Variants in LRRC9 observed in about 807,000 individuals in gnomAD.
The protein encoded by LRRC9 is leucine-rich repeat-containing protein 9.
A neutral mutation model predicts 63.2 loss-of-function variants in LRRC9; 122 were observed. That is an observed-to-expected ratio of 1.93 (90% CI 1.67 to 2.24). The LOEUF is 2.24. Ranked by LOEUF, LRRC9 falls within the 30% of genes most tolerant of loss-of-function variation. LRRC9 has a pLI of 0.00. For synonymous variants in LRRC9, 366 were observed against 213.1 expected (o/e 1.72, Z -6.25); for missense variants, 1,071 against 627.7 (o/e 1.71, Z -7.55).
chr14:60,050,153 C>T (rs1242933824), intron 29 of LRRC9, among the ~76,000 whole-genome samples: 3 of 152,012 alleles, frequency 2.0e-5, no homozygotes, highest in African/African-American at 4.8e-5. Context: ...CACACCACCA[C>T]GCCCAGCTAA....
chr14:59,992,406 T>G (rs1888244110), intron 17 of LRRC9, among the ~76,000 whole-genome samples: 2 of 152,240 alleles, frequency 1.3e-5, no homozygotes, highest in South Asian at 4.1e-4. Flanking sequence ...TCAGAGCGCC[T>G]CTTCTCGTCC....
Position 59,934,483 on chromosome 14 carries a change from T to C in LRRC9, c.543+2444T>C, listed in dbSNP as rs1265849078. 7.2e-5 allele frequency among the ~76,000 whole-genome samples: 11 copies of C among 151,904 alleles called. 1 individual carries two copies. Among genetic ancestry groups the C allele is most frequent in the Non-Finnish European group, 1.6e-4 (11 of 67,988 alleles). The stretch of plus-strand genomic sequence containing the variant: ...ACAATCTTGGCATAACAAGCAAGAG[T>C]GTGAAGCGATGCTTAGGGCCATGGC... On this transcript the variant is annotated intron_variant, in intron 6 of 31. Coordinates refer to ENST00000445360, the Ensembl canonical transcript of LRRC9.
In LRRC9 at chr14:59,928,421, G is replaced by T; in HGVS notation, c.202G>T (p.Glu68Ter). Residue 68 changes from glutamate to a stop codon, truncating the protein, a stop_gained, in exon 3 of 32, where the codon GAA becomes TAA. Coordinates refer to ENST00000445360, the Ensembl canonical transcript of LRRC9. LOFTEE classifies it high-confidence loss of function. ...TACCATTGTTGCTCAAGATATAAAA[G>T]AAATTTCAGGGTTAGAGCCTTGTTT... 1 of 697,064 alleles carries T rather than the reference G, an allele frequency of 1.4e-6. No homozygotes were observed. Among genetic ancestry groups the T allele is most frequent in the South Asian group, 1.5e-5 (1 of 66,366 alleles). 43.2% of individuals were successfully genotyped at this position (697,064 alleles called of 1,614,324 possible).
chr14:59,978,123 T>C (rs945666396), exon 15 of LRRC9: 3 of 702,034 alleles, frequency 4.3e-6, no homozygotes, highest in Admixed American at 2.0e-5. Context: ...AATTTGAGTA[T>C]ATTACAATGG....
At position 60,004,538 on chromosome 14, in the gene LRRC9, CAGAGAGA is replaced by C. The variant is rs1889652846; in HGVS notation, c.2842+742_2842+748del. Among the ~76,000 whole-genome samples the C allele has an allele frequency of 6.6e-6, 1 of 151,730 alleles. No individual in the cohort carries two copies. The highest frequency in any genetic ancestry group is 2.1e-4 in the South Asian group (1 of 4,806). ...AGTATTAAAACATATTTTTCTGAACCAGAGAGAATAAAAAAGACTTTTCCTCCCTTTC... is the reference window on the plus strand; with the variant it reads ...AGTATTAAAACATATTTTTCTGAACCATAAAAAAGACTTTTCCTCCCTTTC... On this transcript the variant is annotated intron_variant, in intron 21 of 31. Coordinates refer to ENST00000445360, the Ensembl canonical transcript of LRRC9. This position sits in a 1 kb window ranked among gnomAD's most constrained non-coding sequence, Gnocchi z 4.8.
intron 29 of LRRC9, among the ~76,000 whole-genome samples, chr14:60,032,281 C>G (rs895373291): frequency 1.3e-5 from 2 of 151,982 alleles, no homozygotes; most frequent in Non-Finnish European, 2.9e-5. Context: ...CATTGTATTC[C>G]TTGGCCTATT....
chr14:59,989,997 G>A (rs535361560), intron 17 of LRRC9, among the ~76,000 whole-genome samples: 6 of 147,404 alleles, frequency 4.1e-5, no homozygotes, highest in African/African-American at 1.3e-4. Flanking sequence ...GCGCAATCTC[G>A]GCTCACCGCA....
At position 59,962,683 on chromosome 14, in the gene LRRC9, A is replaced by G. The variant is rs1426702780; in HGVS notation, c.1211+1638A>G. Among the ~76,000 whole-genome samples the G allele has an allele frequency of 6.6e-6, 1 of 152,116 alleles. No homozygotes were observed. Among genetic ancestry groups the G allele is most frequent in the Admixed American group, 6.5e-5 (1 of 15,278 alleles). On this transcript the variant is annotated intron_variant, in intron 10 of 31. Coordinates refer to ENST00000445360, the Ensembl canonical transcript of LRRC9. The surrounding 1 kb of genome is among the most constrained non-coding windows in gnomAD (Gnocchi z 5.1). ...CTCCCAAAGTGCTGAGATCACAGGCATGAGCCACTGTGCCCAGCTCCAAAC... is the reference window on the plus strand; with the variant it reads ...CTCCCAAAGTGCTGAGATCACAGGCGTGAGCCACTGTGCCCAGCTCCAAAC...
intron 19 of LRRC9, among the ~76,000 whole-genome samples, chr14:60,001,417 G>C (rs1408426258): frequency 6.6e-6 from 1 of 152,078 alleles, no homozygotes; most frequent in African/African-American, 2.4e-5. Context: ...CAGCTACATA[G>C]AGAAGCTTAG....
At chr14:59,997,945 G>T (rs1888971716) in intron 18 of LRRC9, 98 bp downstream of exon 18, 1 of 562,832 alleles carries the variant, frequency 1.8e-6, no homozygotes, top group Non-Finnish European at 3.1e-6. Flanking sequence ...GATAGGCAAA[G>T]TATCTTCGTT....
Position 60,027,509 on chromosome 14 carries a change from C to T in LRRC9, c.3704-375C>T, listed in dbSNP as rs1022210467. Among the ~76,000 whole-genome samples the T allele has an allele frequency of 6.6e-6, 1 of 151,932 alleles. No individual in the cohort carries two copies. The highest frequency in any genetic ancestry group is 1.5e-5 in the Non-Finnish European group (1 of 67,942). On this transcript the variant is annotated intron_variant, in intron 27 of 31. Coordinates refer to ENST00000445360, the Ensembl canonical transcript of LRRC9. The surrounding 1 kb of genome is among the most constrained non-coding windows in gnomAD (Gnocchi z 4.0). ...CTATTTTAAGAAATAATTAAATATA[C>T]TATTGTAATATCTATTAGAGTACTA...
intron 29 of LRRC9, among the ~76,000 whole-genome samples, chr14:60,035,069 G>A (rs139637262): frequency 4.0e-4 from 59 of 148,406 alleles, no homozygotes; most frequent in African/African-American, 1.0e-3. Flanking sequence ...TTGTGGTTTG[G>A]TTTGCATTTC....
chr14:59,934,879 C>T (rs934917134), intron 6 of LRRC9, among the ~76,000 whole-genome samples: 24 of 151,516 alleles, frequency 1.6e-4, no homozygotes, highest in Middle Eastern at 3.4e-3. Context: ...TCTAAGATAC[C>T]CAGTAGAATA....
intron 10 of LRRC9, among the ~76,000 whole-genome samples, chr14:59,965,661 A>T (rs185429622): frequency 8.0e-4 from 122 of 152,066 alleles, no homozygotes; most frequent in Middle Eastern, 3.4e-3. Flanking sequence ...AGGTGGGCGG[A>T]TCACGAGGTC....
rs906754793 is a variant in LRRC9, at chr14:59,930,597, T to C, written c.268-321T>C. ...TTACATTGTTATAATCATAACCATA[T>C]GATCATAATCATTTCTATATGATTA... On this transcript the variant is annotated intron_variant, in intron 3 of 31. Coordinates refer to ENST00000445360, the Ensembl canonical transcript of LRRC9. This position sits in a 1 kb window ranked among gnomAD's most constrained non-coding sequence, Gnocchi z 4.9. 3.3e-5 allele frequency among the ~76,000 whole-genome samples: 5 copies of C among 151,808 alleles called. No homozygotes were observed. The highest frequency in any genetic ancestry group is 1.3e-4 in the Admixed American group (2 of 15,200).
rs1889609750 is a variant in LRRC9, at chr14:59,930,539, C to A, written c.268-379C>A. Among the ~76,000 whole-genome samples the A allele has an allele frequency of 6.6e-6, 1 of 151,690 alleles. No homozygotes were observed. Among genetic ancestry groups the A allele is most frequent in the Non-Finnish European group, 1.5e-5 (1 of 67,864 alleles). Reference sequence around the variant, plus strand: ...TTTAGTCTTAATTTAAAGAGTCCCACAAAATTGTGTGTGCATTAGGATTAT... The same window carrying A: ...TTTAGTCTTAATTTAAAGAGTCCCAAAAAATTGTGTGTGCATTAGGATTAT... On this transcript the variant is annotated intron_variant, in intron 3 of 31. Coordinates refer to ENST00000445360, the Ensembl canonical transcript of LRRC9. The surrounding 1 kb of genome is among the most constrained non-coding windows in gnomAD (Gnocchi z 4.9).
intron 8 of LRRC9, among the ~76,000 whole-genome samples, chr14:59,956,475 C>T (rs1045349305): frequency 6.6e-6 from 1 of 151,978 alleles, no homozygotes; most frequent in African/African-American, 2.4e-5. Context: ...TTCTTTTTTA[C>T]TTTCCATTTG....
Position 59,935,123 on chromosome 14 carries a change from TAA to T in LRRC9, c.543+3104_543+3105del, listed in dbSNP as rs34044624. ...CAACATGGTGAAACCTTGTTTCTACTAAAAAAAAAAAAAAAAAAAAATAGCCA... is the reference window on the plus strand; with the variant it reads ...CAACATGGTGAAACCTTGTTTCTACTAAAAAAAAAAAAAAAAAAATAGCCA... On this transcript the variant is annotated intron_variant, in intron 6 of 31. Coordinates refer to ENST00000445360, the Ensembl canonical transcript of LRRC9. Among the ~76,000 whole-genome samples, 157 of 117,434 alleles carry T rather than the reference TAA, an allele frequency of 1.3e-3. 1 individual carries two copies. The Middle Eastern group carries it at 0.014, about 10-fold the overall frequency. The allele number at this position is 117,434 out of a possible 152,430, so 77.0% of individuals were successfully genotyped here.
rs534123353 is a variant in LRRC9, at chr14:59,962,125, A to C, written c.1211+1080A>C. ...GCTTTTTTCTCACCTCTGTGAGTAAAAGCTTCTCAAAGGTCTTGGGAGAAC... is the reference window on the plus strand; with the variant it reads ...GCTTTTTTCTCACCTCTGTGAGTAACAGCTTCTCAAAGGTCTTGGGAGAAC... On this transcript the variant is annotated intron_variant, in intron 10 of 31. Transcript: ENST00000445360. This position sits in a 1 kb window ranked among gnomAD's most constrained non-coding sequence, Gnocchi z 5.1. Among the ~76,000 whole-genome samples the C allele has an allele frequency of 4.6e-5, 7 of 152,278 alleles. No homozygotes were observed. The highest frequency in any genetic ancestry group is 1.7e-4 in the African/African-American group (7 of 41,558).
Sources: allele counts gnomAD v4.1 joint callset (sites outside exome capture counted in the v4.1 genomes callset), GRCh38; gene constraint gnomAD v4.1.1; non-coding constraint Gnocchi (gnomAD v3.1); transcripts MANE v1.5; gene names NCBI Gene and HGNC (gene_info 2026-07-23, HGNC 2026-07-21).